NRXN3: variants seen among roughly 807,000 people sequenced by gnomAD.
The protein encoded by NRXN3 is neurexin III.
In NRXN3, 32 loss-of-function variants were observed where a neutral mutation model predicts 137.6. That is an observed-to-expected ratio of 0.23 (90% confidence interval 0.18 to 0.31). NRXN3 has a LOEUF of 0.31. Ranked by LOEUF, NRXN3 falls within the 10% of genes least tolerant of loss-of-function variation. NRXN3 has a pLI of 1.00. For synonymous variants in NRXN3, 798 were observed against 784.5 expected (o/e 1.02, Z -0.29); for missense variants, 1,574 against 2,062.5 (o/e 0.76, Z 4.59).
chr14:79,177,790 AGCT>A (rs1225765191), intron 15 of NRXN3, among the ~76,000 whole-genome samples: 2 of 152,234 alleles, frequency 1.3e-5, no homozygotes, highest in African/African-American at 4.8e-5. Flanking sequence ...TAGTACAGTT[AGCT>A]GTTTGCTTTC....
At chr14:79,073,758 G>C (rs2099691435) in intron 15 of NRXN3, among the ~76,000 whole-genome samples, 1 of 151,964 alleles carries the variant, frequency 6.6e-6, no homozygotes. Flanking sequence ...TTCCTTCACT[G>C]TCTTGGAGCT....
chr14:78,253,799 G>A (rs945626622), intron 2 of NRXN3, among the ~76,000 whole-genome samples: 1 of 65,994 alleles, frequency 1.5e-5, no homozygotes, highest in African/African-American at 5.7e-5. Context: ...CCCGTGCCCC[G>A]CCCCCCCGCC....
chr14:79,554,074 A>G (rs2097403033), intron 16 of NRXN3, among the ~76,000 whole-genome samples: 1 of 152,152 alleles, frequency 6.6e-6, no homozygotes, highest in South Asian at 2.1e-4. Context: ...TAAAATACCA[A>G]TTTTGTTGGG....
intron 15 of NRXN3, among the ~76,000 whole-genome samples, chr14:79,395,277 A>T (rs1424156110): frequency 6.6e-6 from 1 of 152,204 alleles, no homozygotes; most frequent in East Asian, 1.9e-4. Flanking sequence ...GGAAGTATTC[A>T]TAGTTTTCAT....
intron 2 of NRXN3, among the ~76,000 whole-genome samples, chr14:78,254,771 G>A (rs17827902): frequency 0.044 from 6,659 of 152,066 alleles, 212 homozygotes; most frequent in Non-Finnish European, 0.061. Flanking sequence ...CATCATGGTA[G>A]CCAGAGTCAG....
chr14:78,684,041 C>T (rs1465762855), intron 6 of NRXN3, among the ~76,000 whole-genome samples: 3 of 152,144 alleles, frequency 2.0e-5, no homozygotes, highest in African/African-American at 4.8e-5. Flanking sequence ...TCTCACTTTT[C>T]TACTTGGAGA....
chr14:78,362,818 C>G (rs371079653), intron 4 of NRXN3, among the ~76,000 whole-genome samples: 1 of 152,168 alleles, frequency 6.6e-6, no homozygotes, highest in Non-Finnish European at 1.5e-5. Context: ...ATGCTATATT[C>G]ACATGAAGGA....
chr14:78,609,947 C>T (rs970827408), intron 4 of NRXN3, among the ~76,000 whole-genome samples: 1 of 151,146 alleles, frequency 6.6e-6, no homozygotes, highest in Non-Finnish European at 1.5e-5. Flanking sequence ...AAACAGGGAT[C>T]CTTGAAGAAG....
chr14:79,746,769 C>T (rs1650443218), intron 19 of NRXN3, among the ~76,000 whole-genome samples: 1 of 152,036 alleles, frequency 6.6e-6, no homozygotes, highest in South Asian at 2.1e-4. Flanking sequence ...TACTCCTTTA[C>T]TTTGTGGTCA....
intron 15 of NRXN3, among the ~76,000 whole-genome samples, chr14:79,240,100 A>G (rs1005096108): frequency 6.6e-6 from 1 of 152,202 alleles, no homozygotes; most frequent in Admixed American, 6.5e-5. Flanking sequence ...TATATTAATT[A>G]GTTTGAGTTA....
chr14:78,248,314 C>CCCCCCCCCCCCCCCCCCCA (rs71131639), intron 2 of NRXN3, among the ~76,000 whole-genome samples: 4 of 47,620 alleles, frequency 8.4e-5, no homozygotes, highest in Admixed American at 2.5e-4. Context: ...CCCCCCCCCC[C>CCCCCCCCCCCCCCCCCCCA]CCACCCGCCA....
intron 10 of NRXN3, among the ~76,000 whole-genome samples, chr14:78,912,398 A>G (rs2099241485): frequency 6.6e-6 from 1 of 151,726 alleles, no homozygotes; most frequent in Admixed American, 6.6e-5. Context: ...TATCCCAGTT[A>G]TTCAAGAGAA....
intron 10 of NRXN3, among the ~76,000 whole-genome samples, chr14:78,933,409 C>T (rs548473916): frequency 6.3e-4 from 96 of 152,276 alleles, no homozygotes; most frequent in Non-Finnish European, 1.1e-3. Flanking sequence ...CAGTATACTT[C>T]CTGTTTTAAC....
At chr14:78,499,550 G>A (rs1373330252) in intron 4 of NRXN3, among the ~76,000 whole-genome samples, 1 of 152,116 alleles carries the variant, frequency 6.6e-6, no homozygotes, top group African/African-American at 2.4e-5. Context: ...CACAAGCTTG[G>A]CAGCTTAAAG....
intron 4 of NRXN3, among the ~76,000 whole-genome samples, chr14:78,395,669 C>A (rs573264636): frequency 4.6e-5 from 7 of 152,024 alleles, no homozygotes; most frequent in Middle Eastern, 3.4e-3. Flanking sequence ...TTTTGCTTCA[C>A]ATACTTTGCA....
intron 10 of NRXN3, among the ~76,000 whole-genome samples, chr14:78,952,650 C>A (rs1029619608): frequency 2.0e-5 from 3 of 152,178 alleles, no homozygotes; most frequent in African/African-American, 7.2e-5. Context: ...TTAACCATAT[C>A]ATTTAGATGT....
At chr14:79,825,206 CTTTTTTT>C (rs11449914) in intron 20 of NRXN3, among the ~76,000 whole-genome samples, 130 of 117,782 alleles carry the variant, frequency 1.1e-3, no homozygotes, top group African/African-American at 4.1e-3. Flanking sequence ...TCTTTGTGTG[CTTTTTTT>C]TTTTTTTTTT....
intron 4 of NRXN3, among the ~76,000 whole-genome samples, chr14:78,367,107 T>G (rs2086080963): frequency 6.6e-6 from 1 of 152,258 alleles, no homozygotes; most frequent in Admixed American, 6.5e-5. Context: ...GCTACTTTAT[T>G]TTAAATGTGC....
chr14:79,867,057 A>G lies in NRXN3; in HGVS notation c.*5093A>G, dbSNP rs1403662438. On this transcript the variant is annotated 3_prime_UTR_variant, in exon 21 of 21. Transcript: ENST00000335750. ...CTTTTATTGTTGAAATAGTGAGGGC[A>G]CGTATTTTTCTAATTGTGTTTATTA... 1 of 152,224 alleles carries G rather than the reference A, an allele frequency of 6.6e-6. No individual in the cohort carries two copies. Among genetic ancestry groups the G allele is most frequent in the Non-Finnish European group, 1.5e-5 (1 of 68,042 alleles). 9.4% of individuals were successfully genotyped at this position (152,224 alleles called of 1,614,324 possible). A position where few individuals can be genotyped will look rare whatever the true frequency, so the allele number is the denominator to read the frequency against.
Sources: allele counts gnomAD v4.1 joint callset (sites outside exome capture counted in the v4.1 genomes callset), GRCh38; gene constraint gnomAD v4.1.1; transcripts MANE v1.5; gene names NCBI Gene and HGNC (gene_info 2026-07-23, HGNC 2026-07-21).